Variants in ACACA observed in about 807,000 individuals in gnomAD.
The protein encoded by ACACA is acetyl-CoA carboxylase alpha, also known as acetyl-CoA carboxylase 1.
In ACACA, 103 loss-of-function variants were observed where a neutral mutation model predicts 296.1. The observed-to-expected ratio is 0.35, with a 90% CI of 0.30 to 0.41. The LOEUF (loss-of-function observed/expected upper bound fraction) is 0.41. Among genes scored for constraint, ACACA ranks in the 10% least tolerant of loss-of-function variants. ACACA has a pLI of 1.00. For synonymous variants in ACACA, 953 were observed against 1,038.6 expected (o/e 0.92, Z 1.58); for missense variants, 1,554 against 2,989.7 (o/e 0.52, Z 11.20).
chr17:37,403,368 CTTTTT>C (rs36037660), intron 1 of ACACA, among the ~76,000 whole-genome samples: 1 of 112,176 alleles, frequency 8.9e-6, no homozygotes, highest in Non-Finnish European at 1.8e-5. Flanking sequence ...TTTGCCACAT[CTTTTT>C]TTTTTTTTTT....
intron 1 of ACACA, among the ~76,000 whole-genome samples, chr17:37,352,468 T>A (rs1451655372): frequency 6.6e-6 from 1 of 152,062 alleles, no homozygotes; most frequent in African/African-American, 2.4e-5. Flanking sequence ...ATCTCAACAC[T>A]TTGGGAGCCC....
At chr17:37,222,008 C>T in intron 28 of ACACA, 166 bp from the exon 29 acceptor site, 1 of 654,342 alleles carries the variant, frequency 1.5e-6, no homozygotes, top group Non-Finnish European at 2.7e-6. Context: ...ATTAATAAAG[C>T]TGGAGTCTTA....
In ACACA at chr17:37,235,168, G is replaced by T. The variant is rs932601657; in HGVS notation, c.3122-69C>A. On this transcript the variant is annotated intron_variant, in intron 24 of 55. Transcript: ENST00000616317. ...TTCACATTTACATGCTATTTGTTTT[G>T]TACTGTCTATAATTTATGAGACGAG... 1.2e-5 allele frequency: 19 copies of T among 1,573,734 alleles called. No homozygotes were observed. The African/African-American group carries it at 2.6e-4, about 21-fold the overall frequency.
At chr17:37,380,742 T>C (rs972294287) in intron 1 of ACACA, among the ~76,000 whole-genome samples, 1 of 151,774 alleles carries the variant, frequency 6.6e-6, no homozygotes, top group African/African-American at 2.4e-5. Flanking sequence ...GGATTACAGG[T>C]GTCTGCCACC....
chr17:37,122,674 T>G, intron 48 of ACACA, 47 bp from the exon 49 acceptor site: 1 of 1,492,804 alleles, frequency 6.7e-7, no homozygotes, highest in South Asian at 1.1e-5. Context: ...GTCAACATTA[T>G]AGCTAGCCAT....
chr17:37,217,049 G>GT (rs1432861975), intron 29 of ACACA, among the ~76,000 whole-genome samples: 1 of 150,496 alleles, frequency 6.6e-6, no homozygotes, highest in Non-Finnish European at 1.5e-5. Flanking sequence ...GATCACCTGA[G>GT]TTAGGGTGTT....
rs2049986863 is a variant in ACACA at position 37,376,030 on chromosome 17, G to C, written c.38+30232C>G. The C allele has an allele frequency of 2.8e-6, 4 of 1,410,254 alleles. No homozygotes were observed. The Admixed American group carries it at 5.1e-5, about 18-fold the overall frequency. The allele number at this position is 1,410,254 out of a possible 1,614,324, so 87.4% of individuals were successfully genotyped here. A position where few individuals can be genotyped will look rare whatever the true frequency, so the allele number is the denominator to read the frequency against. On this transcript the variant is annotated intron_variant, in intron 1 of 55. Coordinates refer to ENST00000616317, the MANE Select transcript of ACACA (RefSeq NM_198834.3). Reference sequence around the variant, plus strand: ...TGTGGTGAAAGCAACTAGAGGCAGAGCTATCAAGGGCTGTGACAGATGAGC... The same window carrying C: ...TGTGGTGAAAGCAACTAGAGGCAGACCTATCAAGGGCTGTGACAGATGAGC...
At chr17:37,398,310 A>G (rs2147839538) in intron 1 of ACACA, among the ~76,000 whole-genome samples, 1 of 116,914 alleles carries the variant, frequency 8.6e-6, no homozygotes, top group Non-Finnish European at 1.7e-5. Context: ...TTTTGAGACG[A>G]AGTTTCGCTC....
chr17:37,148,194 A>G (rs1197342095), intron 45 of ACACA, among the ~76,000 whole-genome samples: 2 of 151,632 alleles, frequency 1.3e-5, no homozygotes, highest in African/African-American at 4.8e-5. Flanking sequence ...GCATTCATCA[A>G]TATCTCATCC....
At chr17:37,359,082 C>T in intron 1 of ACACA, 1 of 985,760 alleles carries the variant, frequency 1.0e-6, no homozygotes, top group African/African-American at 1.7e-5. Flanking sequence ...GCCGGCGGCT[C>T]GGGCGATGGC....
chr17:37,151,563 A>G, intron 43 of ACACA, 142 bp from the exon 44 acceptor site: 1 of 1,009,216 alleles, frequency 9.9e-7, no homozygotes, highest in Non-Finnish European at 1.5e-6. Context: ...TTCCTTTTAT[A>G]CTCTTCATTC....
chr17:37,182,147 C>T (rs2077350387), intron 39 of ACACA, among the ~76,000 whole-genome samples: 1 of 151,998 alleles, frequency 6.6e-6, no homozygotes, highest in African/African-American at 2.4e-5. Context: ...TCTAGTATAT[C>T]ATCTGTGCTT....
chr17:37,130,054 T>G, intron 46 of ACACA, 21 bp downstream of exon 46: 1 of 1,613,962 alleles, frequency 6.2e-7, no homozygotes, highest in Non-Finnish European at 8.5e-7. Context: ...GCCATGTCAG[T>G]GCTGGGTAGG....
rs750599219 is a variant in ACACA, at chr17:37,245,067, C to A, written c.2595+13G>T. The A allele has an allele frequency of 1.9e-6, 3 of 1,614,202 alleles. No individual in the cohort carries two copies. The highest frequency in any genetic ancestry group is 2.5e-6 in the Non-Finnish European group (3 of 1,180,030). ...CTCTTAGAGAGCAATATTCGGAGCACCTTCCTACTCACCTGCTGAACCTTG... is the reference window on the plus strand; with the variant it reads ...CTCTTAGAGAGCAATATTCGGAGCAACTTCCTACTCACCTGCTGAACCTTG... On this transcript the variant is annotated intron_variant, in intron 20 of 55. Coordinates refer to ENST00000616317, the MANE Select transcript of ACACA (RefSeq NM_198834.3).
intron 52 of ACACA, among the ~76,000 whole-genome samples, chr17:37,099,253 C>T (rs887538871): frequency 6.6e-6 from 1 of 152,098 alleles, no homozygotes; most frequent in African/African-American, 2.4e-5. Flanking sequence ...TTTTTGGATG[C>T]CCAACTCTAC....
chr17:37,202,712 TACACACACAC>T (rs71159694), intron 33 of ACACA, among the ~76,000 whole-genome samples: 33 of 37,434 alleles, frequency 8.8e-4, no homozygotes, highest in Middle Eastern at 0.02. Context: ...TATATATATA[TACACACACAC>T]ATATATTTTA....
intron 3 of ACACA, among the ~76,000 whole-genome samples, chr17:37,292,806 G>A (rs1377742248): frequency 6.6e-6 from 1 of 152,268 alleles, no homozygotes; most frequent in Non-Finnish European, 1.5e-5. Context: ...AGAGGTTGCA[G>A]TGAGCTGAGA....
intron 39 of ACACA, among the ~76,000 whole-genome samples, chr17:37,185,599 T>C (rs1598105101): frequency 6.6e-6 from 1 of 151,290 alleles, no homozygotes; most frequent in East Asian, 2.0e-4. Context: ...GACGGATTCT[T>C]GCTCCATTGC....
At chr17:37,355,033 C>T (rs972521882) in intron 1 of ACACA, among the ~76,000 whole-genome samples, 3 of 150,576 alleles carry the variant, frequency 2.0e-5, no homozygotes, top group African/African-American at 4.9e-5. Context: ...GATTACCTGA[C>T]GTCAGTTAGA....
Sources: allele counts gnomAD v4.1 joint callset (sites outside exome capture counted in the v4.1 genomes callset), GRCh38; gene constraint gnomAD v4.1.1; transcripts MANE v1.5; gene names NCBI Gene and HGNC (gene_info 2026-07-23, HGNC 2026-07-21).